The following MTARC2 variants were observed in gnomAD, a reference collection of about 807,000 sequenced individuals.
MTARC2 encodes MOCO sulphurase C-terminal domain containing 2.
A neutral mutation model predicts 35.6 loss-of-function variants in MTARC2; 27 were observed. The ratio of observed to expected loss-of-function variants is 0.76; its 90% CI spans 0.56 to 1.04. The LOEUF (loss-of-function observed/expected upper bound fraction) is 1.04, where lower values mean the gene tolerates loss of function less well. Among genes scored for constraint, MTARC2 ranks in the 50% least tolerant of loss-of-function variants. MTARC2 has a pLI of 0.00. For synonymous variants in MTARC2, 158 were observed against 167.1 expected, an observed-to-expected ratio of 0.95 and a Z score of 0.42; for missense variants, 412 against 432.5, an observed-to-expected ratio of 0.95 and a Z score of 0.42.
chr1:220,770,432 AG>A, intron 4 of MTARC2: 1 of 985,392 alleles, frequency 1.0e-6, no homozygotes, highest in Non-Finnish European at 1.2e-6. Flanking sequence ...ATTCCCCTCG[AG>A]TGAGTGTGAT....
intron 1 of MTARC2, among the ~76,000 whole-genome samples, chr1:220,751,032 G>A (rs1174536819): frequency 6.6e-6 from 1 of 152,168 alleles, no homozygotes; most frequent in African/African-American, 2.4e-5. Flanking sequence ...TTAACAATTT[G>A]AAAGCAGGCT....
intron 4 of MTARC2, among the ~76,000 whole-genome samples, chr1:220,777,710 G>C (rs1244469435): frequency 6.6e-6 from 1 of 152,136 alleles, no homozygotes; most frequent in African/African-American, 2.4e-5. Context: ...AGCAGAGACA[G>C]GCATGGTGCC....
chr1:220,764,053 A>G (rs1289185779), intron 4 of MTARC2, among the ~76,000 whole-genome samples: 5 of 152,062 alleles, frequency 3.3e-5, no homozygotes, highest in Admixed American at 6.6e-5. Flanking sequence ...GCTCCCCTGA[A>G]TGAATGACCG....
chr1:220,763,148 G>A (rs1671486149), intron 4 of MTARC2, 98 bp downstream of exon 4: 1 of 1,536,354 alleles, frequency 6.5e-7, no homozygotes, highest in Admixed American at 1.7e-5. Context: ...ATCCGCCAGG[G>A]TCCAGTCATT....
intron 4 of MTARC2, among the ~76,000 whole-genome samples, chr1:220,776,186 G>A (rs1488198059): frequency 6.6e-6 from 1 of 152,064 alleles, no homozygotes; most frequent in Admixed American, 6.6e-5. Context: ...CTCGCCACCT[G>A]TTATTTTTTG....
chr1:220,770,858 G>A (rs894313579), intron 4 of MTARC2, among the ~76,000 whole-genome samples: 2 of 152,224 alleles, frequency 1.3e-5, no homozygotes, highest in Non-Finnish European at 2.9e-5. Flanking sequence ...ACACACAGAC[G>A]GCGTCAGCCT....
At chr1:220,762,372 C>T (rs373806562) in intron 3 of MTARC2, among the ~76,000 whole-genome samples, 2 of 152,168 alleles carry the variant, frequency 1.3e-5, no homozygotes, top group African/African-American at 4.8e-5. Context: ...TGCAAAAGAC[C>T]AAAGCCTCTG....
chr1:220,748,511 C>G lies in MTARC2; in HGVS notation c.-21C>G. The G allele has an allele frequency of 2.2e-6, 3 of 1,377,216 alleles. No individual in the cohort carries two copies. The highest frequency in any genetic ancestry group is 2.8e-6 in the Non-Finnish European group (3 of 1,076,272). 85.3% of individuals were successfully genotyped at this position (1,377,216 alleles called of 1,614,324 possible). On this transcript the variant is annotated 5_prime_UTR_variant, in exon 1 of 8. Coordinates refer to ENST00000366913, the MANE Select transcript of MTARC2 (RefSeq NM_017898.5). ...TCGCTGCCGGGTCTGTGCGCCGGTC[C>G]GCGCCCGCCCTCGCTCTGCCATGGG...
intron 4 of MTARC2, among the ~76,000 whole-genome samples, chr1:220,778,063 C>A (rs1354981897): frequency 6.6e-6 from 1 of 151,742 alleles, no homozygotes; most frequent in Non-Finnish European, 1.5e-5. Flanking sequence ...GCCAACATGG[C>A]GAAACCCCAT....
chr1:220,755,591 G>C (rs1398306881), intron 2 of MTARC2, among the ~76,000 whole-genome samples: 1 of 152,146 alleles, frequency 6.6e-6, no homozygotes, highest in Non-Finnish European at 1.5e-5. Flanking sequence ...CTGGGTCACA[G>C]GTTGTCTGGT....
intron 4 of MTARC2, among the ~76,000 whole-genome samples, chr1:220,779,465 C>T (rs1672004489): frequency 6.6e-6 from 1 of 152,146 alleles, no homozygotes; most frequent in Admixed American, 6.5e-5. Context: ...TTGAGTTAAT[C>T]CCTGAGGCAA....
At chr1:220,774,709 A>G (rs888146160) in intron 4 of MTARC2, among the ~76,000 whole-genome samples, 2 of 150,744 alleles carry the variant, frequency 1.3e-5, no homozygotes, top group Admixed American at 1.3e-4. Context: ...TTCATAGCCC[A>G]TTGCCACGGC....
intron 4 of MTARC2, among the ~76,000 whole-genome samples, chr1:220,771,751 C>CG (rs1558072607): frequency 6.7e-6 from 1 of 149,390 alleles, no homozygotes; most frequent in Non-Finnish European, 1.5e-5. Context: ...CAGGGCCTCT[C>CG]GGGGGGTGGG....
chr1:220,779,975 A>G, intron 4 of MTARC2, 43 bp from the exon 5 acceptor site: 1 of 1,442,040 alleles, frequency 6.9e-7, no homozygotes, highest in Non-Finnish European at 9.3e-7. Flanking sequence ...CTCAAAGGCT[A>G]ATGAAGCCAC....
In MTARC2 at chr1:220,783,216, A is replaced by G. The variant is rs377498407; in HGVS notation, c.*32-703A>G. The stretch of plus-strand genomic sequence containing the variant: ...GCCTTTTGAAAAATATCAGTGATGC[A>G]TAAAATTATCAGTGATGCATATAAT... On this transcript the variant is annotated intron_variant, in intron 7 of 7. Transcript: ENST00000366913. Among the ~76,000 whole-genome samples the G allele has an allele frequency of 8.0e-5, 12 of 149,808 alleles. 1 individual carries two copies. The highest frequency in any genetic ancestry group is 3.0e-4 in the African/African-American group (12 of 39,362).
intron 4 of MTARC2, among the ~76,000 whole-genome samples, chr1:220,773,416 G>C (rs12048740): frequency 0.024 from 3,615 of 152,242 alleles, 107 homozygotes; most frequent in African/African-American, 0.064. Context: ...CCTGACTTGC[G>C]TCCTTTATAA....
rs1671436675 is a variant in MTARC2, at chr1:220,761,595, G to T, written c.447-63G>T. 4 of 1,491,026 alleles carry T rather than the reference G, an allele frequency of 2.7e-6. No individual in the cohort carries two copies. In the South Asian group the frequency reaches 4.0e-5, roughly 15 times the overall value. 92.4% of individuals were successfully genotyped at this position (1,491,026 alleles called of 1,614,324 possible). A position where few individuals can be genotyped will look rare whatever the true frequency, so the allele number is the denominator to read the frequency against. ...CCCAACAGTCCAGCTGTTCATTTTT[G>T]ACACCATCCCTCAGTGTATTGATAT... On this transcript the variant is annotated intron_variant, in intron 2 of 7. Coordinates refer to ENST00000366913, the MANE Select transcript of MTARC2 (RefSeq NM_017898.5).
At position 220,783,928 on chromosome 1, in the gene MTARC2, A is replaced by G; in HGVS notation, c.*41A>G. Reference sequence around the variant, plus strand: ...CTTATTATTTATTCAGGCTTCAGCAACCAGGAGGGATTGACTGAGATCTTA... The same window carrying G: ...CTTATTATTTATTCAGGCTTCAGCAGCCAGGAGGGATTGACTGAGATCTTA... On this transcript the variant is annotated 3_prime_UTR_variant, in exon 8 of 8. Transcript: ENST00000366913. The G allele has an allele frequency of 1.4e-6, 1 of 717,506 alleles. No individual in the cohort carries two copies. Among genetic ancestry groups the G allele is most frequent in the Non-Finnish European group, 2.6e-6 (1 of 385,094 alleles). The allele number at this position is 717,506 out of a possible 1,614,324, so 44.4% of individuals were successfully genotyped here. A position where few individuals can be genotyped will look rare whatever the true frequency, so the allele number is the denominator to read the frequency against.
chr1:220,782,293 T>C (rs555833834), intron 7 of MTARC2, among the ~76,000 whole-genome samples: 61 of 152,228 alleles, frequency 4.0e-4, no homozygotes, highest in Admixed American at 7.8e-4. Context: ...ATTTTTTCTG[T>C]CTCAGATAGA....
Sources: allele counts gnomAD v4.1 joint callset (sites outside exome capture counted in the v4.1 genomes callset), GRCh38; gene constraint gnomAD v4.1.1; transcripts MANE v1.5; gene names NCBI Gene and HGNC (gene_info 2026-07-23, HGNC 2026-07-21).